TBCD: variants seen among roughly 807,000 people sequenced by gnomAD.
TBCD encodes the protein tubulin folding cofactor D, also known as tubulin-specific chaperone D.
A neutral mutation model predicts 169.3 loss-of-function variants in TBCD; 105 were observed. The ratio of observed to expected loss-of-function variants is 0.62; its 90% CI spans 0.53 to 0.73. The LOEUF is 0.73. TBCD is among the 30% of genes least tolerant of loss of function. The probability of loss-of-function intolerance (pLI) is 0.00; values close to 1 mark genes in which losing one functional copy is unlikely to be tolerated. For missense variants in TBCD, 1,444 were observed against 1,600.1 expected, an observed-to-expected ratio of 0.90 and a Z score of 1.66; for synonymous variants, 700 against 643.9, an observed-to-expected ratio of 1.09 and a Z score of -1.32.
intron 13 of TBCD, among the ~76,000 whole-genome samples, chr17:82,837,368 C>G (rs1213085396): frequency 6.6e-6 from 1 of 152,160 alleles, no homozygotes; most frequent in African/African-American, 2.4e-5. Context: ...TAAATATTCC[C>G]AAAAGAGTAT....
Position 82,923,137 on chromosome 17 carries a change from T to C in TBCD, c.2179-515T>C, listed in dbSNP as rs1301756797. On this transcript the variant is annotated intron_variant, in intron 25 of 38. Transcript: ENST00000355528. This position sits in a 1 kb window ranked among gnomAD's most constrained non-coding sequence, Gnocchi z 4.6. ...TGGCCTGAAGGCCCTGCCCCGTTAC[T>C]CTGGGTGCATAGTGTATGCCTTTTT... is the stretch of plus-strand genomic sequence containing the variant. 6.6e-6 allele frequency among the ~76,000 whole-genome samples: 1 copy of C among 152,268 alleles called. No homozygotes were observed. Among genetic ancestry groups the C allele is most frequent in the Non-Finnish European group, 1.5e-5 (1 of 68,056 alleles).
At chr17:82,876,915 G>A (rs542909916) in intron 14 of TBCD, 98 of 980,122 alleles carry the variant, frequency 1.0e-4, no homozygotes, top group Non-Finnish European at 1.2e-4. Context: ...GCTGTCAGCC[G>A]GTCTGACTGC....
chr17:82,919,924 C>T (rs909689346), intron 23 of TBCD, among the ~76,000 whole-genome samples: 4 of 152,178 alleles, frequency 2.6e-5, no homozygotes, highest in Non-Finnish European at 5.9e-5. Flanking sequence ...GGAGAAATAG[C>T]AAATACCATG....
chr17:82,819,448 A>T (rs1319812906), intron 13 of TBCD, among the ~76,000 whole-genome samples: 2 of 152,144 alleles, frequency 1.3e-5, no homozygotes, highest in Non-Finnish European at 2.9e-5. Context: ...TTGGTCTCTG[A>T]CTCTGTGCAC....
At chr17:82,902,212 A>C (rs1206392692) in intron 18 of TBCD, among the ~76,000 whole-genome samples, 1 of 152,222 alleles carries the variant, frequency 6.6e-6, no homozygotes, top group East Asian at 1.9e-4. Flanking sequence ...GCCTTAAAGT[A>C]ACTGATGACT....
At chr17:82,855,993 C>CTTTTTTTTTTTTTTTTTTTTTTTTTTT (rs60978063) in intron 13 of TBCD, among the ~76,000 whole-genome samples, 1 of 66,268 alleles carries the variant, frequency 1.5e-5, no homozygotes, top group African/African-American at 7.0e-5. Flanking sequence ...TCCCCCCCCA[C>CTTTTTTTTTTTTTTTTTTTTTTTTTTT]TTTTTTTTTT....
rs2147032268 is a variant in TBCD at position 82,915,400 on chromosome 17, G to A, written c.2038+3611G>A. ...GTTGGCCTTTGTCGTGAATATTCACGAGAGGAGATGAACATCCTGGATGTC... is the reference window on the plus strand; with the variant it reads ...GTTGGCCTTTGTCGTGAATATTCACAAGAGGAGATGAACATCCTGGATGTC... On this transcript the variant is annotated intron_variant, in intron 23 of 38. Transcript: ENST00000355528. The surrounding 1 kb of genome is among the most constrained non-coding windows in gnomAD (Gnocchi z 4.3). Among the ~76,000 whole-genome samples the A allele has an allele frequency of 6.6e-6, 1 of 152,268 alleles. No individual in the cohort carries two copies. Among genetic ancestry groups the A allele is most frequent in the East Asian group, 1.9e-4 (1 of 5,182 alleles).
At chr17:82,859,316 G>A (rs4986082) in intron 13 of TBCD, among the ~76,000 whole-genome samples, 140,490 of 141,446 alleles carry the variant, frequency 0.99, 69,779 homozygotes, top group East Asian at 1. Context: ...CTCGTGGGTC[G>A]TCTGGCCTGC....
rs543666308 is a variant in TBCD at position 82,795,300 on chromosome 17, G to C, written c.772-2457G>C. Among the ~76,000 whole-genome samples the C allele has an allele frequency of 5.3e-5, 8 of 152,304 alleles. No individual in the cohort carries two copies. The East Asian group carries it at 1.3e-3, about 26-fold the overall frequency. On this transcript the variant is annotated intron_variant, in intron 7 of 38. Transcript: ENST00000355528. ...CCGAGAGAGACCAGGGGACATGTTA[G>C]CCCGTTGCTGAGAGAGACCGGGGGA... is the stretch of plus-strand genomic sequence containing the variant.
In TBCD at chr17:82,922,323, T is replaced by C. The variant is rs1232455698; in HGVS notation, c.2178+746T>C. Among the ~76,000 whole-genome samples the C allele has an allele frequency of 6.6e-6, 1 of 152,032 alleles. No homozygotes were observed. The highest frequency in any genetic ancestry group is 1.5e-5 in the Non-Finnish European group (1 of 68,014). ...TTGCAGTGAACCGAGATCACGCCAT[T>C]GCACTCCAGCCTGGGTGACAAGAGC... is the stretch of plus-strand genomic sequence containing the variant. On this transcript the variant is annotated intron_variant, in intron 25 of 38. Transcript: ENST00000355528. This position sits in a 1 kb window ranked among gnomAD's most constrained non-coding sequence, Gnocchi z 4.1.
rs1290288115 is a variant in TBCD, at chr17:82,939,420, C to A, written c.3423C>A (p.Asp1141Glu). The change falls in exon 37 of 39, where the codon GAC (aspartate) becomes GAA (glutamate). Residue 1141 changes from aspartate to glutamate, a missense_variant. Coordinates refer to ENST00000355528, the MANE Select transcript of TBCD (RefSeq NM_005993.5). ...ACGAGACATTGCTCACCTACAGTGA[C>A]GTCGTGGGCGCGGATGTGCTGGACG... is the stretch of plus-strand genomic sequence containing the variant. ...QVYETLLTYS[D>E]VVGADVLDEV... 6.2e-7 allele frequency: 1 copy of A among 1,613,626 alleles called. No homozygotes were observed. The highest frequency in any genetic ancestry group is 1.7e-5 in the Admixed American group (1 of 59,990).
intron 13 of TBCD, among the ~76,000 whole-genome samples, chr17:82,857,641 C>T (rs8076360): frequency 0.98 from 149,840 of 152,172 alleles, 73,782 homozygotes; most frequent in East Asian, 1. Flanking sequence ...TATGGAGTAA[C>T]GTATTGTTGA....
intron 13 of TBCD, among the ~76,000 whole-genome samples, chr17:82,844,236 T>TGTGTGTGTGTGTG (rs59037028): frequency 1.3e-4 from 20 of 151,144 alleles, no homozygotes; most frequent in South Asian, 4.2e-4. Context: ...TGTGTGTGTG[T>TGTGTGTGTGTGTG]TTAAAGACCT....
Position 82,773,728 on chromosome 17 carries a change from C to CT in TBCD, c.638+1233dup, listed in dbSNP as rs201526542. On this transcript the variant is annotated intron_variant, in intron 6 of 38. Transcript: ENST00000355528. ...GCGAGAGTGTCTTTTCTTTTTCTTT[C>CT]TTTTTTTTTTTTAATTGAGATGGAG... Among the ~76,000 whole-genome samples the CT allele has an allele frequency of 3.8e-3, 557 of 145,494 alleles. 6 individuals are homozygous for CT. The highest frequency in any genetic ancestry group is 0.012 in the African/African-American group (486 of 39,882).
At chr17:82,824,034 G>A (rs901179145) in intron 13 of TBCD, among the ~76,000 whole-genome samples, 1 of 149,750 alleles carries the variant, frequency 6.7e-6, no homozygotes, top group Non-Finnish European at 1.5e-5. Context: ...ACAATATTTG[G>A]CCTTTCATGT....
chr17:82,786,008 C>G (rs566027029), intron 7 of TBCD, among the ~76,000 whole-genome samples: 16 of 152,148 alleles, frequency 1.1e-4, no homozygotes, highest in Admixed American at 5.9e-4. Flanking sequence ...TGGATATGTC[C>G]CGCACACCTG....
chr17:82,770,599 CAAAA>C (rs1351025159), intron 5 of TBCD, among the ~76,000 whole-genome samples: 1 of 90,304 alleles, frequency 1.1e-5, no homozygotes, highest in Admixed American at 1.2e-4. Flanking sequence ...AACTCCGTCT[CAAAA>C]AAAAAAAAAA....
chr17:82,866,530 G>A (rs1477976329), intron 13 of TBCD, among the ~76,000 whole-genome samples: 4 of 152,256 alleles, frequency 2.6e-5, no homozygotes, highest in African/African-American at 9.6e-5. Context: ...CTGTGCTGGC[G>A]TGTGGGGCCC....
chr17:82,913,358 AG>A (rs767900498), intron 23 of TBCD: 52 of 152,236 alleles, frequency 3.4e-4, no homozygotes, highest in African/African-American at 1.2e-3. Flanking sequence ...TTGGTGTTTG[AG>A]CAGTAAGTCT....
Sources: allele counts gnomAD v4.1 joint callset (sites outside exome capture counted in the v4.1 genomes callset), GRCh38; gene constraint gnomAD v4.1.1; non-coding constraint Gnocchi (gnomAD v3.1); transcripts MANE v1.5; gene names NCBI Gene and HGNC (gene_info 2026-07-23, HGNC 2026-07-21).